Variants in ZFYVE16 observed in about 807,000 individuals in gnomAD.
ZFYVE16 encodes zinc finger FYVE-type containing 16.
In ZFYVE16, 89 loss-of-function variants were observed where a neutral mutation model predicts 138.1. The ratio of observed to expected loss-of-function variants is 0.64; its 90% CI spans 0.54 to 0.77. The LOEUF (loss-of-function observed/expected upper bound fraction) is 0.77. ZFYVE16 is among the 30% of genes least tolerant of loss of function. The pLI, the probability that ZFYVE16 is intolerant of heterozygous loss-of-function variation, is 0.00. For missense variants in ZFYVE16, 1,793 were observed against 1,786.7 expected (o/e 1.00, Z -0.06); for synonymous variants, 596 against 618.3 (o/e 0.96, Z 0.53).
intron 15 of ZFYVE16, among the ~76,000 whole-genome samples, chr5:80,464,452 C>T (rs947923202): frequency 2.0e-5 from 3 of 152,190 alleles, no homozygotes; most frequent in Non-Finnish European, 4.4e-5. Flanking sequence ...GATTCAGTTA[C>T]TTCCACCTGG....
chr5:80,470,092 TG>T (rs1561332848), intron 15 of ZFYVE16, among the ~76,000 whole-genome samples: 9 of 61,520 alleles, frequency 1.5e-4, no homozygotes, highest in Non-Finnish European at 2.4e-4. Context: ...TGTGTGTGTG[TG>T]TGTGTGTATT....
chr5:80,415,185 C>T (rs1746028831), intron 1 of ZFYVE16, among the ~76,000 whole-genome samples: 1 of 152,120 alleles, frequency 6.6e-6, no homozygotes, highest in South Asian at 2.1e-4. Context: ...ACCTTGATTG[C>T]ATTTTTAAAA....
chr5:80,441,760 C>G lies in ZFYVE16; in HGVS notation c.2420-1363C>G. On this transcript the variant is annotated intron_variant, in intron 5 of 18. Transcript: ENST00000505560. ...TCCAGAGTAAAGTGTTTGGATTTCA[C>G]TTGGTTAATGGAAGCCATTTTATGA... The G allele has an allele frequency of 3.0e-6, 3 of 985,358 alleles. No homozygotes were observed. The South Asian group carries it at 1.4e-4, about 46-fold the overall frequency. The allele number at this position is 985,358 out of a possible 1,614,324, so 61.0% of individuals were successfully genotyped here.
At chr5:80,446,633 A>G (rs1751385470) in intron 7 of ZFYVE16, among the ~76,000 whole-genome samples, 1 of 152,124 alleles carries the variant, frequency 6.6e-6, no homozygotes, top group African/African-American at 2.4e-5. Flanking sequence ...GACCCCAGGG[A>G]TCTCTGAACC....
intron 1 of ZFYVE16, among the ~76,000 whole-genome samples, chr5:80,420,615 G>T (rs1245609080): frequency 6.6e-6 from 1 of 152,170 alleles, no homozygotes; most frequent in Non-Finnish European, 1.5e-5. Flanking sequence ...TCCCTACAAA[G>T]GACATGAACT....
chr5:80,438,356 T>C lies in ZFYVE16; in HGVS notation c.1671T>C (p.Ser557=), dbSNP rs1750237974. ...IKSFEENVND[S]KSQMNQIDMK... ...CTTTTGAAGAAAATGTAAATGACTC[T>C]AAATCGCAAATGAATCAGATAGATA... Residue 557 remains serine, a synonymous_variant, in exon 4 of 19, where the codon TCT becomes TCC. Transcript: ENST00000505560. 6.2e-7 allele frequency: 1 copy of C among 1,613,502 alleles called. No homozygotes were observed. Among genetic ancestry groups the C allele is most frequent in the South Asian group, 1.1e-5 (1 of 91,044 alleles).
rs1221553025 is a variant in ZFYVE16 at position 80,459,434 on chromosome 5, G to A, written c.3964G>A (p.Val1322Ile). ...PRKVTGASFVVFNGALKTSSG... is the reference protein window; with the variant it reads ...PRKVTGASFVIFNGALKTSSG... ...ATCAGTGACAGGTGCAAGTTTTGTGGTATTCAATGGAGCTCTAAAAACATC... is the reference window on the plus strand; with the variant it reads ...ATCAGTGACAGGTGCAAGTTTTGTGATATTCAATGGAGCTCTAAAAACATC... Residue 1322 changes from valine to isoleucine, a missense_variant, in exon 15 of 19, where the codon GTA (valine) becomes ATA (isoleucine). Transcript: ENST00000505560. The A allele has an allele frequency of 4.3e-6, 7 of 1,612,724 alleles. No individual in the cohort carries two copies. Among genetic ancestry groups the A allele is most frequent in the Admixed American group, 3.3e-5 (2 of 59,848 alleles).
chr5:80,418,514 A>G (rs887001392), intron 1 of ZFYVE16, among the ~76,000 whole-genome samples: 1 of 151,814 alleles, frequency 6.6e-6, no homozygotes, highest in African/African-American at 2.4e-5. Context: ...AGGTTTCTCT[A>G]TGTTGCCCAG....
intron 5 of ZFYVE16, among the ~76,000 whole-genome samples, chr5:80,442,200 C>T (rs965982351): frequency 2.0e-5 from 3 of 152,116 alleles, no homozygotes; most frequent in African/African-American, 7.2e-5. Flanking sequence ...ACCTCCCAGG[C>T]TCAAGCAGTC....
rs533372261 is a variant in ZFYVE16 at position 80,470,254 on chromosome 5, A to T, written c.4025-2507A>T. The stretch of plus-strand genomic sequence containing the variant: ...GTAGCTGGGACTACAGGCACCTACC[A>T]CCACACCTGGCTAATTTTTCGTATT... On this transcript the variant is annotated intron_variant, in intron 15 of 18. Coordinates refer to ENST00000505560, the MANE Select transcript of ZFYVE16 (RefSeq NM_001284236.3). 2.6e-5 allele frequency among the ~76,000 whole-genome samples: 4 copies of T among 151,220 alleles called. No individual in the cohort carries two copies. In the South Asian group the frequency reaches 8.4e-4, roughly 32 times the overall value.
intron 9 of ZFYVE16, 113 bp from the exon 10 acceptor site, chr5:80,450,318 A>G: frequency 1.0e-6 from 1 of 1,003,884 alleles, no homozygotes; most frequent in South Asian, 1.5e-5. Context: ...TCATAAGGAG[A>G]ACTTTGGGAA....
intron 5 of ZFYVE16, chr5:80,441,476 A>C (rs1207031427): frequency 2.0e-6 from 2 of 985,234 alleles, no homozygotes; most frequent in Non-Finnish European, 2.4e-6. Flanking sequence ...CATATGCCAC[A>C]GGAGAGCATA....
Position 80,438,888 on chromosome 5 carries a change from T to C in ZFYVE16, c.2203T>C (p.Leu735=). The C allele has an allele frequency of 6.2e-7, 1 of 1,614,122 alleles. No homozygotes were observed. Among genetic ancestry groups the C allele is most frequent in the Non-Finnish European group, 8.5e-7 (1 of 1,179,974 alleles). The stretch of plus-strand genomic sequence containing the variant: ...ACCTGAAAACACTTGCAAAGAAGGC[T>C]TGGTTTTGGGCCAGAAACAGCCTAC... The part of the protein sequence containing the change: ...SVPENTCKEG[L]VLGQKQPTWV... Residue 735 remains leucine (L), a synonymous_variant, in exon 4 of 19, where the codon TTG becomes CTG. Transcript: ENST00000505560.
rs1474419363 is a variant in ZFYVE16 at position 80,456,535 on chromosome 5, C to A, written c.3765C>A (p.Cys1255Ter). The A allele has an allele frequency of 2.5e-6, 4 of 1,612,538 alleles. No individual in the cohort carries two copies. In the South Asian group the frequency reaches 4.4e-5, roughly 18 times the overall value. ...LLIHMEMGKS[C>*]IKIPRKKYSD... is the part of the protein sequence containing the mutation. ...TTCATATGGAAATGGGAAAAAGCTGCATAAAAATACCACGGAAAAAGTACA... is the reference window on the plus strand; with the variant it reads ...TTCATATGGAAATGGGAAAAAGCTGAATAAAAATACCACGGAAAAAGTACA... The change falls in exon 13 of 19, where the codon TGC becomes TGA. Residue 1255 changes from cysteine to a stop codon, truncating the protein, a stop_gained. Transcript: ENST00000505560. LOFTEE classifies it high-confidence loss of function.
rs1466158288 is a variant in ZFYVE16 at position 80,481,138 on chromosome 5, C to T, written c.*3761C>T. Among the ~76,000 whole-genome samples the T allele has an allele frequency of 6.6e-6, 1 of 152,120 alleles. No homozygotes were observed. Among genetic ancestry groups the T allele is most frequent in the Non-Finnish European group, 1.5e-5 (1 of 68,012 alleles). ...ACCATGGGTAATGACTTGGAACCTTCTGGACTTTCCTTGCTCTACATCAAT... is the reference window on the plus strand; with the variant it reads ...ACCATGGGTAATGACTTGGAACCTTTTGGACTTTCCTTGCTCTACATCAAT... On this transcript the variant is annotated 3_prime_UTR_variant, in exon 19 of 19. Transcript: ENST00000505560.
intron 10 of ZFYVE16, 30 bp downstream of exon 10, chr5:80,450,616 C>A (rs1405977785): frequency 1.3e-6 from 2 of 1,597,168 alleles, no homozygotes. Flanking sequence ...ACTGTTCAGA[C>A]TGGGGAATGG....
rs191276280 is a variant in ZFYVE16 at position 80,448,584 on chromosome 5, T to C, written c.3103+180T>C. 3.3e-5 allele frequency among the ~76,000 whole-genome samples: 5 copies of C among 152,290 alleles called. No homozygotes were observed. In the East Asian group the frequency reaches 9.7e-4, roughly 29 times the overall value. On this transcript the variant is annotated intron_variant, in intron 8 of 18. Coordinates refer to ENST00000505560, the MANE Select transcript of ZFYVE16 (RefSeq NM_001284236.3). ...ACAAATTCTAAAAATATTTGAACTT[T>C]TATGATCCATTTATCACATCTGGCC...
intron 3 of ZFYVE16, among the ~76,000 whole-genome samples, chr5:80,436,057 C>A (rs140775812): frequency 6.6e-6 from 1 of 152,292 alleles, no homozygotes; most frequent in African/African-American, 2.4e-5. Context: ...TGAGGCCTCC[C>A]TAGCAATGCA....
intron 5 of ZFYVE16, chr5:80,440,416 G>A (rs1445547275): frequency 1.0e-6 from 1 of 986,974 alleles, no homozygotes; most frequent in East Asian, 1.1e-4. Flanking sequence ...ATAGCACAGG[G>A]CAAGATAATA....
Sources: allele counts gnomAD v4.1 joint callset (sites outside exome capture counted in the v4.1 genomes callset), GRCh38; gene constraint gnomAD v4.1.1; transcripts MANE v1.5; gene names NCBI Gene and HGNC (gene_info 2026-07-23, HGNC 2026-07-21).